SHISA9: variants seen among roughly 807,000 people sequenced by gnomAD.
The protein encoded by SHISA9 is protein shisa-9.
A neutral mutation model predicts 38.0 loss-of-function variants in SHISA9; 13 were observed. The observed-to-expected ratio is 0.34, with a 90% CI of 0.22 to 0.54. The LOEUF (loss-of-function observed/expected upper bound fraction) is 0.54, where lower values mean the gene tolerates loss of function less well. SHISA9 is among the 20% of genes least tolerant of loss of function. The pLI is 0.91. For synonymous variants in SHISA9, 275 were observed against 242.0 expected, an observed-to-expected ratio of 1.14 and a Z score of -1.27; for missense variants, 538 against 575.8, an observed-to-expected ratio of 0.93 and a Z score of 0.67.
At chr16:13,344,963 C>T in the SHISA9 span, among the ~76,000 whole-genome samples, 1 of 152,116 alleles carries the variant, frequency 6.6e-6, no homozygotes, top group Non-Finnish European at 1.5e-5. Context: ...TCTCCAAGGG[C>T]CTGCAACATT....
chr16:12,953,290 G>A (rs1342121402), intron 2 of SHISA9, among the ~76,000 whole-genome samples: 1 of 152,136 alleles, frequency 6.6e-6, no homozygotes, highest in Admixed American at 6.5e-5. Context: ...TGCCTACTCT[G>A]TGCTAGGCAT....
intron 1 of SHISA9, among the ~76,000 whole-genome samples, chr16:12,903,642 G>A (rs1422756608): frequency 6.6e-6 from 1 of 152,184 alleles, no homozygotes; most frequent in East Asian, 1.9e-4. Context: ...CGTGAGGTCC[G>A]GGCGGGCGGG....
intron 2 of SHISA9, among the ~76,000 whole-genome samples, chr16:12,920,271 G>A (rs1025254955): frequency 6.6e-6 from 1 of 152,168 alleles, no homozygotes; most frequent in African/African-American, 2.4e-5. Context: ...GTATACATAT[G>A]TAACAAACCT....
chr16:13,139,414 C>T (rs1646192), intron 2 of SHISA9, among the ~76,000 whole-genome samples: 58 of 77,910 alleles, frequency 7.4e-4, no homozygotes, highest in East Asian at 2.1e-3. Flanking sequence ...TCCTTCCTTC[C>T]TTCCTTCCTT....
chr16:13,507,682 A>T, the SHISA9 span, among the ~76,000 whole-genome samples: 1 of 152,178 alleles, frequency 6.6e-6, no homozygotes, highest in Admixed American at 6.5e-5. Context: ...TGCAACAGGA[A>T]GTCAAACACA....
chr16:13,505,699 A>C, the SHISA9 span, among the ~76,000 whole-genome samples: 1 of 152,188 alleles, frequency 6.6e-6, no homozygotes, highest in Non-Finnish European at 1.5e-5. Context: ...GAGATTCAGA[A>C]ATGGTTTTAG....
chr16:12,985,029 C>A (rs1433050697), intron 2 of SHISA9, among the ~76,000 whole-genome samples: 1 of 152,156 alleles, frequency 6.6e-6, no homozygotes, highest in Admixed American at 6.5e-5. Flanking sequence ...TGCCCCTGAA[C>A]CCACTCCCTC....
chr16:13,174,109 G>T (rs1462165658), intron 2 of SHISA9, among the ~76,000 whole-genome samples: 1 of 152,072 alleles, frequency 6.6e-6, no homozygotes, highest in Non-Finnish European at 1.5e-5. Flanking sequence ...GATCTCCAAG[G>T]TCTTTACTAA....
chr16:13,206,771 A>G (rs2051068882), intron 3 of SHISA9, among the ~76,000 whole-genome samples: 1 of 152,186 alleles, frequency 6.6e-6, no homozygotes, highest in African/African-American at 2.4e-5. Context: ...GCCCAGCTCA[A>G]CCCTCGTTAT....
the SHISA9 span, among the ~76,000 whole-genome samples, chr16:13,437,193 C>G: frequency 6.6e-6 from 1 of 151,882 alleles, no homozygotes; most frequent in Non-Finnish European, 1.5e-5. Flanking sequence ...AAAAGATTTT[C>G]AAGTTTTTAC....
chr16:13,445,259 G>C, the SHISA9 span, among the ~76,000 whole-genome samples: 1 of 152,062 alleles, frequency 6.6e-6, no homozygotes, highest in African/African-American at 2.4e-5. Context: ...ACAGAGTCTT[G>C]TGGATCCTTC....
chr16:12,911,362 A>G lies in SHISA9; in HGVS notation c.564-5326A>G. Reference sequence around the variant, plus strand: ...GTTGGTTCTTTCTACTGTCTAATTCATTACATTTTTTCAGCACATTCCTGT... The same window carrying G: ...GTTGGTTCTTTCTACTGTCTAATTCGTTACATTTTTTCAGCACATTCCTGT... On this transcript the variant is annotated intron_variant, in intron 1 of 4. Coordinates refer to ENST00000558583, the MANE Select transcript of SHISA9 (RefSeq NM_001145204.3). 6.1e-6 allele frequency: 6 copies of G among 985,376 alleles called. No individual in the cohort carries two copies. In the South Asian group the frequency reaches 2.8e-4, roughly 46 times the overall value. 61.0% of individuals were successfully genotyped at this position (985,376 alleles called of 1,614,324 possible).
the SHISA9 span, among the ~76,000 whole-genome samples, chr16:13,283,865 C>T: frequency 1.3e-5 from 2 of 152,080 alleles, no homozygotes. Context: ...TCCTTCAGCA[C>T]TCTTGATCTC....
At chr16:13,262,662 A>AAGGGAGGGAGGG in the SHISA9 span, among the ~76,000 whole-genome samples, 8 of 52,446 alleles carry the variant, frequency 1.5e-4, 1 homozygote, top group African/African-American at 4.3e-4. Context: ...GGAAGGAAGG[A>AAGGGAGGGAGGG]AGGAAGGAAG....
chr16:13,388,005 G>A, the SHISA9 span, among the ~76,000 whole-genome samples: 40 of 152,216 alleles, frequency 2.6e-4, no homozygotes, highest in Non-Finnish European at 3.8e-4. Context: ...ACTGAGAGCC[G>A]TGAAGCCTCT....
the SHISA9 span, among the ~76,000 whole-genome samples, chr16:13,375,443 T>G: frequency 6.6e-6 from 1 of 152,134 alleles, no homozygotes. Flanking sequence ...TTTCCCCATT[T>G]CTTGTTTTTG....
intron 2 of SHISA9, among the ~76,000 whole-genome samples, chr16:13,172,912 A>G (rs1340301321): frequency 6.6e-6 from 1 of 152,114 alleles, no homozygotes; most frequent in Non-Finnish European, 1.5e-5. Flanking sequence ...AGCACATTTC[A>G]TAATATCTTA....
At chr16:13,467,535 C>T in the SHISA9 span, among the ~76,000 whole-genome samples, 3 of 152,174 alleles carry the variant, frequency 2.0e-5, no homozygotes, top group African/African-American at 4.8e-5. Flanking sequence ...CCAACTTGTA[C>T]GTGGCCTATC....
At chr16:13,490,896 A>G in the SHISA9 span, among the ~76,000 whole-genome samples, 1 of 152,158 alleles carries the variant, frequency 6.6e-6, no homozygotes. Flanking sequence ...GGGAGAGGGA[A>G]ATGTTCTTAT....
Sources: allele counts gnomAD v4.1 joint callset (sites outside exome capture counted in the v4.1 genomes callset), GRCh38; gene constraint gnomAD v4.1.1; transcripts MANE v1.5; gene names NCBI Gene and HGNC (gene_info 2026-07-23, HGNC 2026-07-21).